Variants in SYT14 observed in about 807,000 individuals in gnomAD.
SYT14 encodes the protein synaptotagmin-14.
Under a neutral mutation model 74.2 loss-of-function variants are expected in SYT14, and 32 were observed. The ratio of observed to expected loss-of-function variants is 0.43; its 90% confidence interval spans 0.33 to 0.58. The LOEUF (loss-of-function observed/expected upper bound fraction) is 0.58, where lower values mean the gene tolerates loss of function less well. SYT14 is among the 20% of genes least tolerant of loss of function. The pLI is 0.05. For missense variants in SYT14, 791 were observed against 981.8 expected, an observed-to-expected ratio of 0.81 and a Z score of 2.60; for synonymous variants, 298 against 337.7, an observed-to-expected ratio of 0.88 and a Z score of 1.29.
chr1:209,992,634 A>G (rs1053183736), intron 2 of SYT14, among the ~76,000 whole-genome samples: 5 of 152,158 alleles, frequency 3.3e-5, no homozygotes, highest in Admixed American at 2.6e-4. Context: ...TATGCAATAT[A>G]TCTTTGTAAC....
At chr1:210,140,537 T>C (rs1013402359) in intron 7 of SYT14, among the ~76,000 whole-genome samples, 4 of 152,176 alleles carry the variant, frequency 2.6e-5, no homozygotes, top group Non-Finnish European at 4.4e-5. Context: ...TTTTTCCTTC[T>C]GTTGCTTGTG....
At chr1:209,987,612 A>G (rs1372524593) in intron 2 of SYT14, among the ~76,000 whole-genome samples, 2 of 152,342 alleles carry the variant, frequency 1.3e-5, no homozygotes, top group East Asian at 3.9e-4. Context: ...CAACACTGGT[A>G]ATTACATTTC....
At chr1:210,064,378 C>CTT (rs1387388790) in intron 5 of SYT14, among the ~76,000 whole-genome samples, 1 of 151,938 alleles carries the variant, frequency 6.6e-6, no homozygotes, top group East Asian at 1.9e-4. Flanking sequence ...ATTTCCAGAA[C>CTT]TTTTTTATCT....
intron 7 of SYT14, among the ~76,000 whole-genome samples, chr1:210,132,860 A>G (rs755374707): frequency 6.6e-6 from 1 of 152,078 alleles, no homozygotes; most frequent in Non-Finnish European, 1.5e-5. Flanking sequence ...ACCATTGTGA[A>G]TCTTCCCCAC....
chr1:210,020,642 A>G (rs1004620904), intron 4 of SYT14, among the ~76,000 whole-genome samples: 1 of 152,216 alleles, frequency 6.6e-6, no homozygotes, highest in Non-Finnish European at 1.5e-5. Context: ...TACTGGCAAT[A>G]CTTAGAACTT....
At chr1:209,974,029 A>G (rs1203428160) in intron 2 of SYT14, among the ~76,000 whole-genome samples, 2 of 149,868 alleles carry the variant, frequency 1.3e-5, no homozygotes, top group African/African-American at 4.9e-5. Context: ...GTGTCTGTTC[A>G]TATCCTTCGC....
chr1:210,037,352 A>C (rs2080687655), intron 5 of SYT14, among the ~76,000 whole-genome samples: 1 of 151,874 alleles, frequency 6.6e-6, no homozygotes, highest in Admixed American at 6.6e-5. Context: ...CAGCCTATCA[A>C]TTTTGATTAT....
intron 7 of SYT14, among the ~76,000 whole-genome samples, chr1:210,134,087 T>G (rs2082732684): frequency 6.6e-6 from 1 of 151,980 alleles, no homozygotes. Flanking sequence ...TTTATTTATT[T>G]TTGAGATGCA....
intron 7 of SYT14, among the ~76,000 whole-genome samples, chr1:210,112,962 T>C (rs2082292552): frequency 6.6e-6 from 1 of 150,938 alleles, no homozygotes; most frequent in Non-Finnish European, 1.5e-5. Context: ...AGGAAGAAAA[T>C]AGATTTTGCA....
At chr1:210,020,640 A>G (rs886292677) in intron 4 of SYT14, among the ~76,000 whole-genome samples, 5 of 152,188 alleles carry the variant, frequency 3.3e-5, no homozygotes, top group Non-Finnish European at 5.9e-5. Flanking sequence ...AGTACTGGCA[A>G]TACTTAGAAC....
At chr1:210,025,225 A>G (rs1231926952) in intron 5 of SYT14, among the ~76,000 whole-genome samples, 2 of 152,220 alleles carry the variant, frequency 1.3e-5, no homozygotes, top group Admixed American at 6.5e-5. Flanking sequence ...CTGCGTCTGC[A>G]GAAACTGCTG....
chr1:210,003,019 G>A (rs2079929312), intron 2 of SYT14, among the ~76,000 whole-genome samples: 1 of 152,026 alleles, frequency 6.6e-6, no homozygotes, highest in Admixed American at 6.6e-5. Context: ...CTTGCCTTGG[G>A]ATCATGAAGA....
At chr1:210,169,593 A>G (rs1387156133) in exon 10 of SYT14, 1 of 152,036 alleles carries the variant, frequency 6.6e-6, no homozygotes, top group Non-Finnish European at 1.5e-5. Flanking sequence ...ATTTTATTGA[A>G]ATTGCTTTTT....
At chr1:210,074,705 C>G (rs1481987033) in intron 5 of SYT14, among the ~76,000 whole-genome samples, 1 of 152,158 alleles carries the variant, frequency 6.6e-6, no homozygotes, top group Non-Finnish European at 1.5e-5. Context: ...TTGTCCCCCT[C>G]TCAGGGCGTG....
intron 2 of SYT14, among the ~76,000 whole-genome samples, chr1:209,975,644 G>A (rs957909989): frequency 2.0e-5 from 3 of 152,138 alleles, no homozygotes; most frequent in Non-Finnish European, 4.4e-5. Context: ...ATGTTCATCA[G>A]GGATATTGGT....
intron 5 of SYT14, among the ~76,000 whole-genome samples, chr1:210,061,101 T>G (rs1342206494): frequency 6.6e-6 from 1 of 152,058 alleles, no homozygotes; most frequent in Non-Finnish European, 1.5e-5. Context: ...AATCTTTTTT[T>G]TCATTATCTC....
intron 2 of SYT14, among the ~76,000 whole-genome samples, chr1:209,979,161 G>A (rs1462492617): frequency 1.3e-5 from 2 of 152,156 alleles, no homozygotes; most frequent in African/African-American, 4.8e-5. Context: ...CCTGGGTGAG[G>A]CGATGCCTCG....
At chr1:210,138,900 CA>C (rs1173664511) in intron 7 of SYT14, among the ~76,000 whole-genome samples, 1 of 152,026 alleles carries the variant, frequency 6.6e-6, no homozygotes, top group African/African-American at 2.4e-5. Context: ...AAATAAAACA[CA>C]AACACTGGAT....
chr1:210,116,968 T>C (rs749761543), intron 7 of SYT14, among the ~76,000 whole-genome samples: 8 of 152,178 alleles, frequency 5.3e-5, no homozygotes, highest in Non-Finnish European at 8.8e-5. Flanking sequence ...TGGAATGCAA[T>C]AAGCATGCAT....
Sources: allele counts gnomAD v4.1 joint callset (sites outside exome capture counted in the v4.1 genomes callset), GRCh38; gene constraint gnomAD v4.1.1; transcripts MANE v1.5; gene names NCBI Gene and HGNC (gene_info 2026-07-23, HGNC 2026-07-21).